CFHR2: variants seen among roughly 807,000 people sequenced by gnomAD.
CFHR2 encodes the protein complement factor H related 2.
In CFHR2, 22 loss-of-function variants were observed where a neutral mutation model predicts 21.7. The ratio of observed to expected loss-of-function variants is 1.01; its 90% CI spans 0.72 to 1.45. The LOEUF (loss-of-function observed/expected upper bound fraction) is 1.45, where lower values mean the gene tolerates loss of function less well. Ranked by LOEUF, CFHR2 falls within the 40% of genes most tolerant of loss-of-function variation. CFHR2 has a pLI of 0.00. For synonymous variants in CFHR2, 98 were observed against 97.4 expected (o/e 1.01, Z -0.04); for missense variants, 294 against 293.3 (o/e 1.00, Z -0.02).
At chr1:196,957,544 T>C (rs1652937748) in intron 3 of CFHR2, among the ~76,000 whole-genome samples, 1 of 152,140 alleles carries the variant, frequency 6.6e-6, no homozygotes, top group Admixed American at 6.6e-5. Flanking sequence ...ATGAAATGAC[T>C]ACAGACCCAA....
Position 196,950,883 on chromosome 1 carries a change from T to A in CFHR2, c.285T>A (p.Gly95=). 1 of 1,613,824 alleles carries A rather than the reference T, an allele frequency of 6.2e-7. No individual in the cohort carries two copies. Among genetic ancestry groups the A allele is most frequent in the South Asian group, 1.1e-5 (1 of 91,062 alleles). The change falls in exon 3 of 5, where the codon GGT becomes GGA. Residue 95 remains glycine, a synonymous_variant. Transcript: ENST00000367415. The stretch of plus-strand genomic sequence containing the variant: ...GTTTCTTTCCTTTTGTGGAAAATGG[T>A]CATTCTGAATCTTCAGGACAAACAC... ...RLCFFPFVEN[G]HSESSGQTHL...
chr1:196,956,582 T>G (rs1652890040), intron 3 of CFHR2, among the ~76,000 whole-genome samples: 1 of 152,288 alleles, frequency 6.6e-6, no homozygotes, highest in East Asian at 1.9e-4. Context: ...GTAATTAATA[T>G]TGCTCTGTAT....
intron 2 of CFHR2, 26 bp from the exon 3 acceptor site, chr1:196,950,826 T>C (rs376450094): frequency 4.3e-6 from 7 of 1,611,334 alleles, no homozygotes; most frequent in Non-Finnish European, 5.9e-6. Context: ...TTCCATCTTG[T>C]CTATTAATCT....
chr1:196,946,667 A>G (rs1190208379), intron 1 of CFHR2, among the ~76,000 whole-genome samples: 1 of 152,206 alleles, frequency 6.6e-6, no homozygotes. Context: ...TTGTCCCACT[A>G]GAAGATCTTC....
At chr1:196,952,921 A>G (rs936474928) in intron 3 of CFHR2, among the ~76,000 whole-genome samples, 2 of 152,222 alleles carry the variant, frequency 1.3e-5, no homozygotes, top group African/African-American at 4.8e-5. Context: ...TTCCAAAAGC[A>G]TAAGGCAACA....
chr1:196,957,807 C>G (rs971581000), intron 3 of CFHR2, 84 bp from the exon 4 acceptor site: 1 of 1,219,906 alleles, frequency 8.2e-7, no homozygotes, highest in African/African-American at 1.5e-5. Context: ...CCCTGATAGA[C>G]TATAAAGTGC....
At chr1:196,958,217 T>C (rs765390825) in intron 4 of CFHR2, 144 bp downstream of exon 4, 141 of 645,636 alleles carry the variant, frequency 2.2e-4, no homozygotes, top group Non-Finnish European at 3.1e-4. Context: ...TGATAGAATG[T>C]AAAGTTTAGA....
intron 1 of CFHR2, among the ~76,000 whole-genome samples, chr1:196,946,499 T>G (rs1659493051): frequency 6.6e-6 from 1 of 152,206 alleles, no homozygotes; most frequent in Non-Finnish European, 1.5e-5. Context: ...AAAAGATTTT[T>G]TCTTTCTGTT....
intron 1 of CFHR2, among the ~76,000 whole-genome samples, chr1:196,945,773 A>AGTGTGTGT (rs1401143323): frequency 3.1e-4 from 27 of 86,718 alleles, no homozygotes; most frequent in African/African-American, 1.3e-3. Context: ...GGTGACTGTG[A>AGTGTGTGT]GTGAGTGTGT....
chr1:196,949,709 A>C (rs1659655717), intron 2 of CFHR2, 60 bp downstream of exon 2: 7 of 1,595,086 alleles, frequency 4.4e-6, no homozygotes, highest in African/African-American at 2.7e-5. Flanking sequence ...AGGATATGCC[A>C]GACAAGATCA....
At chr1:196,951,541 C>T (rs1257007533) in intron 3 of CFHR2, among the ~76,000 whole-genome samples, 2 of 152,010 alleles carry the variant, frequency 1.3e-5, no homozygotes, top group African/African-American at 4.8e-5. Context: ...CTTTTGGAAA[C>T]CTGTGGTATA....
At chr1:196,947,616 C>T (rs1443477811) in intron 1 of CFHR2, among the ~76,000 whole-genome samples, 3 of 152,094 alleles carry the variant, frequency 2.0e-5, no homozygotes, top group East Asian at 3.8e-4. Flanking sequence ...TACTTCTAGA[C>T]AGATGAAAAA....
rs1268464786 is a variant in CFHR2, at chr1:196,957,970, A to G, written c.510A>G (p.Pro170=). ...CATTCCTGTTGTCAGTATATGCTCC[A>G]GGTTCATCAGTTGAGTACCAGTGCC... The part of the protein sequence containing the change: ...ITSFLLSVYA[P]GSSVEYQCQN... The change falls in exon 4 of 5, where the codon CCA becomes CCG. Residue 170 remains proline (P), a synonymous_variant. Transcript: ENST00000367415. 1 of 1,613,802 alleles carries G rather than the reference A, an allele frequency of 6.2e-7. No individual in the cohort carries two copies. Among genetic ancestry groups the G allele is most frequent in the Admixed American group, 1.7e-5 (1 of 60,000 alleles).
Position 196,959,052 on chromosome 1 carries a change from T to G in CFHR2, c.785T>G (p.Leu262Arg). ...CGAGCAATGTGTCAGAATGGGAAAC[T>G]GGTATATCCCAGTTGTGAAGAAAAA... ...SFRAMCQNGK[L>R]VYPSCEEK The change falls in exon 5 of 5, where the codon CTG (leucine) becomes CGG (arginine). Residue 262 changes from leucine to arginine, a missense_variant. By Grantham distance (102) the Leu-to-Arg change is moderately radical. Coordinates refer to ENST00000367415, the MANE Select transcript of CFHR2 (RefSeq NM_005666.4). 6.2e-7 allele frequency: 1 copy of G among 1,611,412 alleles called. No homozygotes were observed. The highest frequency in any genetic ancestry group is 8.5e-7 in the Non-Finnish European group (1 of 1,178,376).
intron 3 of CFHR2, among the ~76,000 whole-genome samples, chr1:196,954,209 T>C (rs1652776271): frequency 6.6e-6 from 1 of 152,244 alleles, no homozygotes; most frequent in Non-Finnish European, 1.5e-5. Context: ...AGAAAGGGGC[T>C]ACAGTCCCCA....
chr1:196,958,465 T>C (rs1055936555), intron 4 of CFHR2, among the ~76,000 whole-genome samples: 1 of 151,836 alleles, frequency 6.6e-6, no homozygotes, highest in Non-Finnish European at 1.5e-5. Flanking sequence ...TGCTCTCTTT[T>C]CAAATTTCAA....
At chr1:196,948,699 T>C (rs1659612579) in intron 1 of CFHR2, among the ~76,000 whole-genome samples, 1 of 152,194 alleles carries the variant, frequency 6.6e-6, no homozygotes, top group South Asian at 2.1e-4. Flanking sequence ...TGTCTTTTTA[T>C]TGTTTTTTTC....
At position 196,959,380 on chromosome 1, in the gene CFHR2, C is replaced by A. The variant is rs946405086; in HGVS notation, c.*300C>A. ...TTCCATATATATAATGTATAATGGT[C>A]AGTTAGGGTAATTAGTATATCCATT... On this transcript the variant is annotated 3_prime_UTR_variant, in exon 5 of 5. Coordinates refer to ENST00000367415, the MANE Select transcript of CFHR2 (RefSeq NM_005666.4). 8.6e-5 allele frequency among the ~76,000 whole-genome samples: 13 copies of A among 151,760 alleles called. No individual in the cohort carries two copies. The highest frequency in any genetic ancestry group is 1.9e-4 in the African/African-American group (8 of 41,408).
chr1:196,958,833 G>T (rs1653003540), intron 4 of CFHR2, 48 bp from the exon 5 acceptor site: 1 of 1,242,022 alleles, frequency 8.1e-7, no homozygotes, highest in Non-Finnish European at 1.2e-6. Context: ...AGTCTATGAA[G>T]ATTTGCATAC....
Sources: allele counts gnomAD v4.1 joint callset (sites outside exome capture counted in the v4.1 genomes callset), GRCh38; gene constraint gnomAD v4.1.1; transcripts MANE v1.5; gene names NCBI Gene and HGNC (gene_info 2026-07-23, HGNC 2026-07-21).